The following ITPKB variants were observed in gnomAD, a reference collection of about 807,000 sequenced individuals.
The protein encoded by ITPKB is IP3 3-kinase B.
Under a neutral mutation model 69.4 loss-of-function variants are expected in ITPKB, and 13 were observed. That is an observed-to-expected ratio of 0.19 (90% CI 0.12 to 0.30). The LOEUF (loss-of-function observed/expected upper bound fraction) is 0.30, where lower values mean the gene tolerates loss of function less well. Among genes scored for constraint, ITPKB ranks in the 10% least tolerant of loss-of-function variants. The pLI is 1.00. For missense variants in ITPKB, 1,240 were observed against 1,250.5 expected (o/e 0.99, Z 0.13); for synonymous variants, 584 against 513.7 (o/e 1.14, Z -1.85).
chr1:226,707,201 T>C, intron 2 of ITPKB: 2 of 562,512 alleles, frequency 3.6e-6, no homozygotes, highest in Non-Finnish European at 4.5e-6. Context: ...TTTTTATTTA[T>C]TTATTTATTT....
At chr1:226,727,717 T>C (rs1241322707) in intron 2 of ITPKB, among the ~76,000 whole-genome samples, 1 of 152,114 alleles carries the variant, frequency 6.6e-6, no homozygotes, top group Non-Finnish European at 1.5e-5. Flanking sequence ...AGCACCTCGT[T>C]TGCACCCCCA....
chr1:226,676,868 G>A (rs970073484), intron 2 of ITPKB, among the ~76,000 whole-genome samples: 13 of 152,168 alleles, frequency 8.5e-5, no homozygotes, highest in East Asian at 3.8e-4. Flanking sequence ...ACTGCAGATC[G>A]CTGTTCTTTA....
intron 4 of ITPKB, among the ~76,000 whole-genome samples, chr1:226,643,274 G>C (rs189024528): frequency 2.0e-5 from 3 of 152,154 alleles, no homozygotes; most frequent in East Asian, 3.9e-4. Flanking sequence ...ACAGCTCTGC[G>C]CTTCTACCTT....
intron 2 of ITPKB, among the ~76,000 whole-genome samples, chr1:226,649,959 G>C (rs1296574035): frequency 6.6e-6 from 1 of 152,198 alleles, no homozygotes. Context: ...GTCCTCAGGG[G>C]GGCGATGAGA....
At position 226,639,551 on chromosome 1, in the gene ITPKB, A is replaced by T. The variant is rs765183359; in HGVS notation, c.2553+6T>A. On this transcript the variant is annotated splice_donor_region_variant and intron_variant, in intron 6 of 7. Coordinates refer to ENST00000429204, the MANE Select transcript of ITPKB (RefSeq NM_002221.4). ...GAGAGACCCTCTCTGGAGGTGCCAG[A>T]CTCACCAGGATGTTATGGTTTCCTT... 2 of 1,575,282 alleles carry T rather than the reference A, an allele frequency of 1.3e-6. No homozygotes were observed. Among genetic ancestry groups the T allele is most frequent in the Non-Finnish European group, 1.7e-6 (2 of 1,144,696 alleles).
rs1245639279 is a variant in ITPKB, at chr1:226,708,555, G to A, written c.1932+26972C>T. The stretch of plus-strand genomic sequence containing the variant: ...ATGTCTCGGCCTTAGACACCATGAA[G>A]AGCCATCCCCTTTTTCCTCCAAGGG... On this transcript the variant is annotated intron_variant, in intron 2 of 7. Coordinates refer to ENST00000429204, the MANE Select transcript of ITPKB (RefSeq NM_002221.4). Among the ~76,000 whole-genome samples the A allele has an allele frequency of 2.6e-5, 4 of 152,316 alleles. No homozygotes were observed. The East Asian group carries it at 7.7e-4, about 29-fold the overall frequency.
intron 2 of ITPKB, among the ~76,000 whole-genome samples, chr1:226,685,544 G>A (rs1305548699): frequency 1.3e-5 from 2 of 152,206 alleles, no homozygotes; most frequent in Non-Finnish European, 2.9e-5. Context: ...GGGCCTCCCA[G>A]CAGGCTCCAG....
rs1553316182 is a variant in ITPKB at position 226,639,072 on chromosome 1, T to TTC, written c.2553+484_2553+485insGA. Among the ~76,000 whole-genome samples the TTC allele has an allele frequency of 3.9e-4, 53 of 134,458 alleles. 1 individual carries two copies. Among genetic ancestry groups the TTC allele is most frequent in the African/African-American group, 4.8e-4 (19 of 39,340 alleles). The allele number at this position is 134,458 out of a possible 152,430, so 88.2% of individuals were successfully genotyped here. On this transcript the variant is annotated intron_variant, in intron 6 of 7. Transcript: ENST00000429204. ...CCCTTGACTTTTTTTTTTTTTTTTT[T>TTC]CCCAGACAGAGTTTCATTCTTGTTG...
chr1:226,716,373 T>G (rs182179979), intron 2 of ITPKB, among the ~76,000 whole-genome samples: 336 of 152,328 alleles, frequency 2.2e-3, no homozygotes, highest in Non-Finnish European at 3.2e-3. Flanking sequence ...TTCTTTATTT[T>G]TTTCTAAAAA....
chr1:226,688,668 C>T (rs1270519097), intron 2 of ITPKB, among the ~76,000 whole-genome samples: 4 of 152,180 alleles, frequency 2.6e-5, no homozygotes, highest in African/African-American at 9.7e-5. Context: ...CTGCCGGGTC[C>T]CAGGCAGAGC....
chr1:226,633,370 G>A lies in ITPKB; in HGVS notation c.*1301C>T, dbSNP rs1183503581. 6.6e-6 allele frequency: 1 copy of A among 152,226 alleles called. No individual in the cohort carries two copies. The highest frequency in any genetic ancestry group is 1.5e-5 in the Non-Finnish European group (1 of 68,054). 9.4% of individuals were successfully genotyped at this position (152,226 alleles called of 1,614,324 possible). The stretch of plus-strand genomic sequence containing the variant: ...AAAGGAGTGGGTGGCAAGCCCCAAG[G>A]AGCATGGGGCACAGAGCTGGGGGTT... On this transcript the variant is annotated 3_prime_UTR_variant, in exon 8 of 8. Transcript: ENST00000429204.
At chr1:226,732,219 A>G (rs1657610026) in intron 2 of ITPKB, among the ~76,000 whole-genome samples, 1 of 151,278 alleles carries the variant, frequency 6.6e-6, no homozygotes, top group Admixed American at 6.6e-5. Context: ...ACAGGTAATT[A>G]GGCCAGTGTT....
At chr1:226,643,908 C>T (rs191039568) in intron 4 of ITPKB, among the ~76,000 whole-genome samples, 6 of 152,364 alleles carry the variant, frequency 3.9e-5, no homozygotes, top group Non-Finnish European at 7.3e-5. Context: ...GCACAGAGCA[C>T]ACCCCTCACA....
At chr1:226,654,070 G>A (rs1373511238) in intron 2 of ITPKB, among the ~76,000 whole-genome samples, 2 of 152,124 alleles carry the variant, frequency 1.3e-5, no homozygotes, top group African/African-American at 2.4e-5. Context: ...GAAAACAGCC[G>A]GACCAGGGTG....
rs911589620 is a variant in ITPKB at position 226,641,630 on chromosome 1, G to T, written c.2451+291C>A. ...CACAGGCATCCCGCAGGTGCCTCTC[G>T]CCTGGCTTTCGGTGCCAGGCACCGT... On this transcript the variant is annotated intron_variant, in intron 5 of 7. Transcript: ENST00000429204. The surrounding 1 kb of genome is among the most constrained non-coding windows in gnomAD (Gnocchi z 4.6). Among the ~76,000 whole-genome samples the T allele has an allele frequency of 6.6e-6, 1 of 152,200 alleles. No homozygotes were observed. Among genetic ancestry groups the T allele is most frequent in the Non-Finnish European group, 1.5e-5 (1 of 68,034 alleles).
intron 2 of ITPKB, among the ~76,000 whole-genome samples, chr1:226,701,603 CAAAAAAAAAA>C (rs58756019): frequency 4.5e-5 from 2 of 44,870 alleles, no homozygotes; most frequent in Admixed American, 3.2e-4. Context: ...GACTCCGTCT[CAAAAAAAAAA>C]AAAAAAAAAA....
chr1:226,732,992 T>C (rs1173767681), intron 2 of ITPKB, among the ~76,000 whole-genome samples: 1 of 152,142 alleles, frequency 6.6e-6, no homozygotes, highest in Non-Finnish European at 1.5e-5. Flanking sequence ...AAGGCTTAAC[T>C]CTGTGGGAAG....
At chr1:226,713,082 G>T (rs1401848198) in intron 2 of ITPKB, among the ~76,000 whole-genome samples, 2 of 151,996 alleles carry the variant, frequency 1.3e-5, no homozygotes, top group Non-Finnish European at 2.9e-5. Flanking sequence ...ATACACACGT[G>T]CATATGCGCA....
chr1:226,704,450 A>T (rs776652276), intron 2 of ITPKB, among the ~76,000 whole-genome samples: 1 of 152,216 alleles, frequency 6.6e-6, no homozygotes, highest in Non-Finnish European at 1.5e-5. Flanking sequence ...GCTAATGAAG[A>T]TGTGTGAGAA....
Sources: allele counts gnomAD v4.1 joint callset (sites outside exome capture counted in the v4.1 genomes callset), GRCh38; gene constraint gnomAD v4.1.1; non-coding constraint Gnocchi (gnomAD v3.1); transcripts MANE v1.5; gene names NCBI Gene and HGNC (gene_info 2026-07-23, HGNC 2026-07-21).